CASK: variants seen among roughly 807,000 people sequenced by gnomAD.
CASK encodes peripheral plasma membrane protein CASK.
A neutral mutation model predicts 82.9 loss-of-function variants in CASK; 4 were observed. The observed-to-expected ratio is 0.05, with a 90% confidence interval of 0.02 to 0.11. The LOEUF is 0.11. Ranked by LOEUF, CASK falls within the 10% of genes least tolerant of loss-of-function variation. CASK has a pLI of 1.00. For synonymous variants in CASK, 259 were observed against 253.5 expected (o/e 1.02, Z -0.20); for missense variants, 358 against 720.9 (o/e 0.50, Z 5.76).
At chrX:41,527,401 T>G (rs936152907) in intron 25 of CASK, among the ~76,000 whole-genome samples, 1 of 112,195 alleles carries the variant, frequency 8.9e-6, no homozygotes, top group Non-Finnish European at 1.9e-5. Context: ...GGAGATAAAT[T>G]GATTCTATGG....
At chrX:41,778,362 C>T (rs1032019038) in intron 3 of CASK, among the ~76,000 whole-genome samples, 1 of 108,858 alleles carries the variant, frequency 9.2e-6, no homozygotes, top group Admixed American at 9.9e-5. Flanking sequence ...TCCCGAGTAG[C>T]TAGGATTACA....
At chrX:41,699,080 C>G (rs936280762) in intron 5 of CASK, among the ~76,000 whole-genome samples, 2 of 110,068 alleles carry the variant, frequency 1.8e-5, no homozygotes, top group Non-Finnish European at 3.8e-5. Flanking sequence ...GCGCCCGCCA[C>G]CATGACCGGC....
chrX:41,643,497 T>C (rs1012190729), intron 8 of CASK, among the ~76,000 whole-genome samples: 1 of 111,799 alleles, frequency 8.9e-6, no homozygotes, highest in Non-Finnish European at 1.9e-5. Flanking sequence ...ACATCCTTTG[T>C]AAGTTGGATT....
chrX:41,531,524 C>T (rs752409015), intron 24 of CASK, among the ~76,000 whole-genome samples: 12 of 112,215 alleles, frequency 1.1e-4, no homozygotes, highest in African/African-American at 3.9e-4. Flanking sequence ...ATTAATATAA[C>T]TCACTGTATG....
rs748392522 is a variant in CASK, at chrX:41,786,391, C to CTT, written c.278+785_278+786dup. Among the ~76,000 whole-genome samples, 109 of 95,143 alleles carry CTT rather than the reference C, an allele frequency of 1.1e-3. 1 individual carries two copies. Among genetic ancestry groups the CTT allele is most frequent in the African/African-American group, 4.0e-3 (104 of 26,250 alleles). 82.6% of individuals were successfully genotyped at this position (95,143 alleles called of 115,157 possible). ...CCTAATCAAAGTCACTGATTACAAC[C>CTT]TTTTTTTTTTTTTTTTAGAAAAAAA... On this transcript the variant is annotated intron_variant, in intron 3 of 26. Transcript: ENST00000378163.
intron 5 of CASK, among the ~76,000 whole-genome samples, chrX:41,736,216 C>T (rs892783203): frequency 1.3e-4 from 15 of 112,076 alleles, no homozygotes; most frequent in African/African-American, 4.2e-4. Context: ...ATATCAACAC[C>T]GGGCGCGGTG....
chrX:41,716,554 C>T (rs1397634989), intron 5 of CASK, among the ~76,000 whole-genome samples: 1 of 112,194 alleles, frequency 8.9e-6, no homozygotes, highest in Non-Finnish European at 1.9e-5. Flanking sequence ...TTTTCTTTCC[C>T]ACATCACCTC....
chrX:41,810,457 A>T (rs1292334980), intron 2 of CASK, among the ~76,000 whole-genome samples: 1 of 111,710 alleles, frequency 9.0e-6, no homozygotes, highest in African/African-American at 3.3e-5. Flanking sequence ...AGAATTTTCA[A>T]CCCGGAATTT....
At chrX:41,832,515 A>T (rs1441112303) in intron 2 of CASK, among the ~76,000 whole-genome samples, 2 of 112,723 alleles carry the variant, frequency 1.8e-5, no homozygotes, top group Non-Finnish European at 3.7e-5. Context: ...TCCTGGGTAT[A>T]CACCCAAGAG....
intron 16 of CASK, among the ~76,000 whole-genome samples, chrX:41,569,052 G>A (rs1352949634): frequency 8.9e-6 from 1 of 111,775 alleles, no homozygotes; most frequent in Non-Finnish European, 1.9e-5. Flanking sequence ...TCTCTCCACA[G>A]AATGACTGCA....
chrX:41,838,638 T>C (rs1459156065), intron 2 of CASK, among the ~76,000 whole-genome samples: 1 of 110,610 alleles, frequency 9.0e-6, no homozygotes, highest in East Asian at 2.8e-4. Flanking sequence ...GTGCCTGTAG[T>C]CCCAGCTAGC....
chrX:41,562,600 T>A (rs778807112), intron 16 of CASK: 4 of 111,526 alleles, frequency 3.6e-5, no homozygotes, highest in Non-Finnish European at 7.5e-5. Context: ...TCCTGTTAAG[T>A]GTGAAAAGTA....
In CASK at chrX:41,520,495, T is replaced by G. The variant is rs1164617461; in HGVS notation, c.2706A>C (p.Thr902=). The change falls in exon 27 of 27, where the codon ACA becomes ACC. Residue 902 remains threonine (T), a synonymous_variant. Transcript: ENST00000378163. ...LTIINNEIDE[T]IRHLEEAVEL... is the part of the protein sequence containing the mutation. Reference sequence around the variant, plus strand: ...CAACAGCTTCCTCCAGATGTCTGATTGTCTCATCAATTTCATTGTTGATAA... The same window carrying G: ...CAACAGCTTCCTCCAGATGTCTGATGGTCTCATCAATTTCATTGTTGATAA... The G allele has an allele frequency of 5.0e-6, 6 of 1,206,347 alleles. No individual in the cohort carries two copies. The highest frequency in any genetic ancestry group is 6.7e-6 in the Non-Finnish European group (6 of 892,137).
chrX:41,602,856 C>T (rs1374033425), intron 12 of CASK, among the ~76,000 whole-genome samples: 1 of 110,559 alleles, frequency 9.0e-6, no homozygotes, highest in East Asian at 2.8e-4. Flanking sequence ...TTTACACTGA[C>T]AATACTACTT....
chrX:41,520,511 T>C lies in CASK; in HGVS notation c.2690A>G (p.Asn897Ser), dbSNP rs762230615. Residue 897 changes from asparagine to serine, a missense_variant, in exon 27 of 27, where the codon AAT becomes AGT. By Grantham distance (46) the Asn-to-Ser change is conservative. Coordinates refer to ENST00000378163, the MANE Select transcript of CASK (RefSeq NM_001367721.1). ...ATGTCTGATTGTCTCATCAATTTCA[T>C]TGTTGATAATTGTGAGATCGAAGTA... ...AHYFDLTIIN[N>S]EIDETIRHLE... is the part of the protein sequence containing the mutation. 6 of 1,202,920 alleles carry C rather than the reference T, an allele frequency of 5.0e-6. No homozygotes were observed. The South Asian group carries it at 5.3e-5, about 11-fold the overall frequency.
At chrX:41,738,703 G>A (rs1386435033) in intron 5 of CASK, among the ~76,000 whole-genome samples, 2 of 111,520 alleles carry the variant, frequency 1.8e-5, no homozygotes, top group African/African-American at 6.5e-5. Flanking sequence ...GTGTAGCCCA[G>A]GGTCAAAGGG....
intron 5 of CASK, among the ~76,000 whole-genome samples, chrX:41,691,633 C>T (rs186209893): frequency 0.017 from 1,797 of 108,063 alleles, 26 homozygotes; most frequent in African/African-American, 0.04. Context: ...CAGAGGCGGG[C>T]GGAAAATGAG....
chrX:41,596,371 T>C (rs1038140343), intron 12 of CASK, among the ~76,000 whole-genome samples: 2 of 112,230 alleles, frequency 1.8e-5, no homozygotes, highest in Non-Finnish European at 3.8e-5. Context: ...CAATAAAACT[T>C]TATTTACAAA....
intron 22 of CASK, among the ~76,000 whole-genome samples, chrX:41,540,769 G>A (rs1010280619): frequency 3.6e-5 from 4 of 112,182 alleles, no homozygotes; most frequent in African/African-American, 6.5e-5. Context: ...CTGCCAGATC[G>A]GATGCTGATT....
Sources: gnomAD v4.1 joint callset for allele counts (sites outside exome capture counted in the v4.1 genomes callset) on GRCh38, gnomAD v4.1.1 for gene constraint, MANE v1.5 for transcripts, NCBI Gene and HGNC (gene_info 2026-07-23, HGNC 2026-07-21) for gene names.